The following GAS7 variants were observed in gnomAD, a reference collection of about 807,000 sequenced individuals.
The protein encoded by GAS7 is growth arrest-specific protein 7.
In GAS7, 28 loss-of-function variants were observed where a neutral mutation model predicts 71.1. The observed-to-expected ratio is 0.39, with a 90% confidence interval of 0.29 to 0.54. The LOEUF (loss-of-function observed/expected upper bound fraction) is 0.54, where lower values mean the gene tolerates loss of function less well. Ranked by LOEUF, GAS7 falls within the 20% of genes least tolerant of loss-of-function variation. The probability of loss-of-function intolerance (pLI) is 0.62; values close to 1 mark genes in which losing one functional copy is unlikely to be tolerated. For missense variants in GAS7, 436 were observed against 627.8 expected (o/e 0.69, Z 3.27); for synonymous variants, 258 against 245.8 (o/e 1.05, Z -0.46).
At chr17:10,168,724 G>A (rs1353938777) in intron 1 of GAS7, among the ~76,000 whole-genome samples, 1 of 152,178 alleles carries the variant, frequency 6.6e-6, no homozygotes, top group African/African-American at 2.4e-5. Context: ...TGTAATCCCA[G>A]CACTTTGGGA....
rs2069359555 is a variant in GAS7 at position 9,958,901 on chromosome 17, T to C, written c.525+301A>G. 7.5e-6 allele frequency: 9 copies of C among 1,200,564 alleles called. No individual in the cohort carries two copies. In the South Asian group the frequency reaches 1.7e-4, roughly 23 times the overall value. The allele number at this position is 1,200,564 out of a possible 1,614,324, so 74.4% of individuals were successfully genotyped here. A position where few individuals can be genotyped will look rare whatever the true frequency, so the allele number is the denominator to read the frequency against. ...CTTGCGCTGAGCACAGTCCACCCCC[T>C]TCAACCCACTCCCGCACGCATACCT... On this transcript the variant is annotated intron_variant, in intron 5 of 13. Transcript: ENST00000432992.
At chr17:9,937,727 C>A (rs1488207080) in intron 8 of GAS7, among the ~76,000 whole-genome samples, 1 of 152,212 alleles carries the variant, frequency 6.6e-6, no homozygotes, top group African/African-American at 2.4e-5. Context: ...CAGATTTGGA[C>A]TGGTTTAACA....
intron 1 of GAS7, among the ~76,000 whole-genome samples, chr17:10,116,958 A>G (rs1218693746): frequency 2.5e-4 from 38 of 152,282 alleles, no homozygotes. Context: ...GAAAGGAGAT[A>G]AAGAGGTCTA....
At chr17:9,939,923 G>GT (rs2068540318) in intron 8 of GAS7, among the ~76,000 whole-genome samples, 1 of 152,142 alleles carries the variant, frequency 6.6e-6, no homozygotes, top group Admixed American at 6.5e-5. Context: ...GCCCTTTTGA[G>GT]TGTGGATGCC....
intron 1 of GAS7, among the ~76,000 whole-genome samples, chr17:10,059,300 C>T (rs1000510160): frequency 6.6e-6 from 1 of 152,176 alleles, no homozygotes; most frequent in Admixed American, 6.5e-5. Context: ...TACAAATTCT[C>T]GCTACACTGG....
intron 1 of GAS7, among the ~76,000 whole-genome samples, chr17:10,050,915 G>A (rs911355522): frequency 4.6e-5 from 7 of 152,156 alleles, no homozygotes; most frequent in Non-Finnish European, 8.8e-5. Context: ...TCAAAAGAAG[G>A]TATGTCTTGT....
chr17:9,968,605 T>C lies in GAS7; in HGVS notation c.471+1072A>G, dbSNP rs1246508100. ...CCATGATAAAGCTGAGTGTCACATT[T>C]CAGCTGATTATACTAACAGCCAATG... On this transcript the variant is annotated intron_variant, in intron 4 of 13. Transcript: ENST00000432992. 2.0e-5 allele frequency among the ~76,000 whole-genome samples: 3 copies of C among 152,332 alleles called. No homozygotes were observed. In the East Asian group the frequency reaches 5.8e-4, roughly 29 times the overall value.
intron 5 of GAS7, among the ~76,000 whole-genome samples, chr17:9,950,995 G>A (rs1827276010): frequency 6.6e-6 from 1 of 152,190 alleles, no homozygotes; most frequent in Non-Finnish European, 1.5e-5. Flanking sequence ...AGAGAAGGGA[G>A]GGCCAGTTCT....
At chr17:10,161,428 T>C (rs777107554) in intron 1 of GAS7, among the ~76,000 whole-genome samples, 1 of 152,106 alleles carries the variant, frequency 6.6e-6, no homozygotes, top group Non-Finnish European at 1.5e-5. Flanking sequence ...CAAAGAAAAA[T>C]GGAAGTGTCG....
chr17:9,964,831 T>G (rs563616933), intron 4 of GAS7, among the ~76,000 whole-genome samples: 3 of 152,128 alleles, frequency 2.0e-5, no homozygotes. Context: ...AAGACCGAAA[T>G]TGCTCAATAA....
chr17:9,942,423 G>C (rs2068636034), intron 7 of GAS7, among the ~76,000 whole-genome samples: 1 of 152,138 alleles, frequency 6.6e-6, no homozygotes, highest in Admixed American at 6.6e-5. Flanking sequence ...CTTGGAGACA[G>C]AGAGAGAGGA....
chr17:9,917,091 C>A lies in GAS7; in HGVS notation c.*137G>T, dbSNP rs539073431. Reference sequence around the variant, plus strand: ...CCCCAGCTAGGCTGTCCGGGTCACCCTTCTGGAATCACCAGCTCTCTCCCC... The same window carrying A: ...CCCCAGCTAGGCTGTCCGGGTCACCATTCTGGAATCACCAGCTCTCTCCCC... On this transcript the variant is annotated 3_prime_UTR_variant, in exon 14 of 14. Coordinates refer to ENST00000432992, the MANE Select transcript of GAS7 (RefSeq NM_201433.2). 27 of 660,152 alleles carry A rather than the reference C, an allele frequency of 4.1e-5. No individual in the cohort carries two copies. In the African/African-American group the frequency reaches 4.1e-4, roughly 10 times the overall value. 40.9% of individuals were successfully genotyped at this position (660,152 alleles called of 1,614,324 possible).
At chr17:10,053,816 AG>A (rs1300573203) in intron 1 of GAS7, among the ~76,000 whole-genome samples, 12 of 152,276 alleles carry the variant, frequency 7.9e-5, no homozygotes, top group African/African-American at 2.9e-4. Context: ...GGGTCTTAAA[AG>A]GAGAGGAGAA....
At chr17:10,177,490 C>A (rs1181672011) in intron 1 of GAS7, among the ~76,000 whole-genome samples, 1 of 151,990 alleles carries the variant, frequency 6.6e-6, no homozygotes, top group African/African-American at 2.4e-5. Flanking sequence ...GTCCCTGGCT[C>A]GGTGGAAACC....
chr17:9,995,863 AG>A (rs1195107723), intron 2 of GAS7, among the ~76,000 whole-genome samples: 1 of 152,256 alleles, frequency 6.6e-6, no homozygotes, highest in Non-Finnish European at 1.5e-5. Context: ...GTTCACCAAC[AG>A]GGGACAATGA....
At chr17:10,101,880 C>T (rs189477169) in intron 1 of GAS7, among the ~76,000 whole-genome samples, 11 of 152,256 alleles carry the variant, frequency 7.2e-5, no homozygotes, top group African/African-American at 2.2e-4. Flanking sequence ...TGCCCTGGTT[C>T]TTGGCCAGGC....
intron 1 of GAS7, among the ~76,000 whole-genome samples, chr17:10,080,520 C>T (rs2073447240): frequency 6.6e-6 from 1 of 152,140 alleles, no homozygotes; most frequent in African/African-American, 2.4e-5. Context: ...ATGAACTCTC[C>T]CCAAATTCTT....
intron 1 of GAS7, among the ~76,000 whole-genome samples, chr17:10,065,640 T>C (rs1333133313): frequency 1.3e-5 from 2 of 152,244 alleles, no homozygotes; most frequent in Non-Finnish European, 1.5e-5. Flanking sequence ...CAGGAAAACC[T>C]TCTCAATTCA....
chr17:10,058,995 A>C (rs8068053), intron 1 of GAS7, among the ~76,000 whole-genome samples: 71,062 of 152,098 alleles, frequency 0.47, 18,599 homozygotes, highest in African/African-American at 0.73. Flanking sequence ...AAGGAACATC[A>C]GGGTATGCTG....
Sources: gnomAD v4.1 joint callset for allele counts (sites outside exome capture counted in the v4.1 genomes callset) on GRCh38, gnomAD v4.1.1 for gene constraint, MANE v1.5 for transcripts, NCBI Gene and HGNC (gene_info 2026-07-23, HGNC 2026-07-21) for gene names.